SMARCA4: variants seen among roughly 807,000 people sequenced by gnomAD.
SMARCA4 encodes SWI/SNF related BAF chromatin remodeling complex subunit ATPase 4, also known as SWI/SNF-related matrix-associated actin-dependent regulator of chromatin subfamily A member 4.
In SMARCA4, 31 loss-of-function variants were observed where a neutral mutation model predicts 193.9. That is an observed-to-expected ratio of 0.16 (90% CI 0.12 to 0.22). The LOEUF (loss-of-function observed/expected upper bound fraction) is 0.22. SMARCA4 is among the 10% of genes least tolerant of loss of function. The probability of loss-of-function intolerance (pLI) is 1.00; values close to 1 mark genes in which losing one functional copy is unlikely to be tolerated. For missense variants in SMARCA4, 1,148 were observed against 2,296.0 expected, an observed-to-expected ratio of 0.50 and a Z score of 10.22; for synonymous variants, 942 against 933.1, an observed-to-expected ratio of 1.01 and a Z score of -0.17.
At chr19:10,969,491 C>T (rs963550098) in intron 1 of SMARCA4, among the ~76,000 whole-genome samples, 4 of 151,600 alleles carry the variant, frequency 2.6e-5, no homozygotes, top group African/African-American at 7.3e-5. Flanking sequence ...AGTGCAATGG[C>T]GGGGTCTCGG....
At chr19:10,979,546 T>C (rs2085398958) in intron 1 of SMARCA4, among the ~76,000 whole-genome samples, 1 of 151,380 alleles carries the variant, frequency 6.6e-6, no homozygotes, top group South Asian at 2.1e-4. Flanking sequence ...AAAAAAAAAC[T>C]TGTAGAGACA....
intron 30 of SMARCA4, among the ~76,000 whole-genome samples, chr19:11,053,392 C>G (rs1301846854): frequency 7.1e-6 from 1 of 141,738 alleles, no homozygotes; most frequent in African/African-American, 2.7e-5. Context: ...GCGGAGGTTT[C>G]AGTAAGCCAA....
chr19:10,989,255 C>T (rs2145843682), intron 6 of SMARCA4, 62 bp from the exon 7 acceptor site: 1 of 1,607,880 alleles, frequency 6.2e-7, no homozygotes, highest in East Asian at 2.2e-5. Flanking sequence ...CCTGCAGCTC[C>T]AGCTGTAACT....
chr19:10,964,232 A>G (rs1020451325), intron 1 of SMARCA4, among the ~76,000 whole-genome samples: 1 of 151,904 alleles, frequency 6.6e-6, no homozygotes, highest in African/African-American at 2.4e-5. Context: ...AGACCATTCC[A>G]TGTTTTGGCT....
chr19:10,975,507 C>CACCATGTTGGCCA (rs1335370176), intron 1 of SMARCA4, among the ~76,000 whole-genome samples: 2 of 151,848 alleles, frequency 1.3e-5, no homozygotes, highest in Non-Finnish European at 2.9e-5. Flanking sequence ...GATAGGGTTT[C>CACCATGTTGGCCA]ACCATGTTGG....
intron 21 of SMARCA4, 52 bp downstream of exon 21, chr19:11,024,490 C>T (rs752600109): frequency 8.5e-7 from 1 of 1,179,110 alleles, no homozygotes; most frequent in African/African-American, 1.5e-5. Context: ...CCAAGGCCGG[C>T]AGCGTGGCAG....
chr19:11,015,376 G>T (rs1205520638), intron 16 of SMARCA4, among the ~76,000 whole-genome samples: 1 of 152,132 alleles, frequency 6.6e-6, no homozygotes, highest in Admixed American at 6.5e-5. Context: ...TGTCCTGGTC[G>T]AGCTTGACGC....
Position 10,981,585 on chromosome 19 carries a change from C to G in SMARCA4, c.-31-2536C>G, listed in dbSNP as rs138108846. Reference sequence around the variant, plus strand: ...TCAGGATTGGCTGGAGTGCCAGCCACTGGTTCCTCCCCTGCTGAGTTTCCT... The same window carrying G: ...TCAGGATTGGCTGGAGTGCCAGCCAGTGGTTCCTCCCCTGCTGAGTTTCCT... On this transcript the variant is annotated intron_variant, in intron 1 of 34. Coordinates refer to ENST00000344626, the MANE Select transcript of SMARCA4 (RefSeq NM_003072.5). 3.0e-3 allele frequency among the ~76,000 whole-genome samples: 455 copies of G among 152,326 alleles called. 2 individuals are homozygous for G. The highest frequency in any genetic ancestry group is 0.011 in the African/African-American group (443 of 41,574).
chr19:11,020,144 C>T (rs551566924), intron 18 of SMARCA4, among the ~76,000 whole-genome samples: 1 of 152,290 alleles, frequency 6.6e-6, no homozygotes, highest in South Asian at 2.1e-4. Context: ...GCTCGAGGGC[C>T]AAATACCATG....
chr19:11,054,723 A>G (rs1190482955), intron 30 of SMARCA4, among the ~76,000 whole-genome samples: 1 of 152,172 alleles, frequency 6.6e-6, no homozygotes, highest in East Asian at 1.9e-4. Flanking sequence ...CTGGAGGCAG[A>G]GGTTGCAGTG....
intron 14 of SMARCA4, 90 bp from the exon 15 acceptor site, chr19:11,010,291 G>A (rs2146227888): frequency 7.0e-7 from 1 of 1,421,050 alleles, no homozygotes; most frequent in Non-Finnish European, 9.9e-7. Context: ...TCAGCAGAAA[G>A]GGCCACTCCG....
At chr19:10,961,280 G>A (rs942094452) in intron 1 of SMARCA4, 106 bp downstream of exon 1, 8 of 149,628 alleles carry the variant, frequency 5.3e-5, no homozygotes, top group East Asian at 2.0e-4. Flanking sequence ...CGCCCTGTGC[G>A]GGGCCGGGGT....
intron 13 of SMARCA4, among the ~76,000 whole-genome samples, chr19:11,005,369 C>T (rs1215814894): frequency 2.0e-5 from 3 of 152,126 alleles, no homozygotes; most frequent in East Asian, 3.9e-4. Flanking sequence ...TTTCCTGGTT[C>T]ATTAGGGGCA....
At chr19:11,060,596 A>C in intron 34 of SMARCA4, 1 of 287,700 alleles carries the variant, frequency 3.5e-6, no homozygotes, top group African/African-American at 2.1e-5. Context: ...AATGGGCAGA[A>C]ACGCCAAGAC....
intron 14 of SMARCA4, 102 bp from the exon 15 acceptor site, chr19:11,010,279 A>G: frequency 7.7e-7 from 1 of 1,305,558 alleles, no homozygotes; most frequent in South Asian, 1.2e-5. Context: ...GCCACAGGTC[A>G]TTCAGCAGAA....
rs532302377 is a variant in SMARCA4 at position 10,971,761 on chromosome 19, C to T, written c.-32+10587C>T. ...GGAATTACAGGCGTGAGCCACCATG[C>T]CCACCCTGAATACTTTTTTTTTTTT... On this transcript the variant is annotated intron_variant, in intron 1 of 34. Coordinates refer to ENST00000344626, the MANE Select transcript of SMARCA4 (RefSeq NM_003072.5). Among the ~76,000 whole-genome samples the T allele has an allele frequency of 5.3e-5, 8 of 150,832 alleles. No individual in the cohort carries two copies. The East Asian group carries it at 1.6e-3, about 30-fold the overall frequency.
chr19:11,059,642 T>G, intron 32 of SMARCA4, 111 bp from the exon 33 acceptor site: 1 of 1,258,908 alleles, frequency 7.9e-7, no homozygotes, highest in Non-Finnish European at 1.1e-6. Context: ...CATTGGCCAC[T>G]GATCAGCTGT....
At chr19:11,029,626 C>A (rs181596241) in intron 24 of SMARCA4, among the ~76,000 whole-genome samples, 1 of 152,238 alleles carries the variant, frequency 6.6e-6, no homozygotes, top group African/African-American at 2.4e-5. Flanking sequence ...TGGGCTTCTG[C>A]ACCGTGCCTG....
At chr19:11,050,108 CTG>C (rs1259927609) in intron 30 of SMARCA4, among the ~76,000 whole-genome samples, 1 of 152,330 alleles carries the variant, frequency 6.6e-6, no homozygotes, top group African/African-American at 2.4e-5. Flanking sequence ...AAAAAAAAGA[CTG>C]TGCTAGACGG....
Sources: allele counts gnomAD v4.1 joint callset (sites outside exome capture counted in the v4.1 genomes callset), GRCh38; gene constraint gnomAD v4.1.1; transcripts MANE v1.5; gene names NCBI Gene and HGNC (gene_info 2026-07-23, HGNC 2026-07-21).